The following NTMT1 variants were observed in gnomAD, a reference collection of about 807,000 sequenced individuals.
The protein encoded by NTMT1 is N-terminal RCC1 methyltransferase.
Under a neutral mutation model 17.5 loss-of-function variants are expected in NTMT1, and 8 were observed. The observed-to-expected ratio is 0.46, with a 90% confidence interval of 0.27 to 0.82. NTMT1 has a LOEUF of 0.82. Among genes scored for constraint, NTMT1 ranks in the 40% least tolerant of loss-of-function variants. The pLI, the probability that NTMT1 is intolerant of heterozygous loss-of-function variation, is 0.15. For missense variants in NTMT1, 221 were observed against 303.5 expected, an observed-to-expected ratio of 0.73 and a Z score of 2.02; for synonymous variants, 128 against 126.8, an observed-to-expected ratio of 1.01 and a Z score of -0.06.
upstream of NTMT1, among the ~76,000 whole-genome samples, chr9:129,625,949 T>A (rs1295545015): frequency 6.7e-6 from 1 of 149,840 alleles, no homozygotes; most frequent in African/African-American, 2.5e-5. Flanking sequence ...GAGGCAGAGG[T>A]TGCGGTGAGC....
rs78835654 is a variant in NTMT1, at chr9:129,616,873, C to A, written c.-55+7695C>A. ...AGATCAAAAGGTCAAGAGATCCAGA[C>A]CATCCTGGCCAACATGGTGAAACCC... On this transcript the variant is annotated intron_variant, in intron 1 of 3. Transcript: ENST00000372486. Among the ~76,000 whole-genome samples the A allele has an allele frequency of 2.0e-3, 303 of 152,262 alleles. 1 individual carries two copies. Among genetic ancestry groups the A allele is most frequent in the African/African-American group, 6.8e-3 (284 of 41,546 alleles).
chr9:129,612,186 G>A (rs1288918873), intron 1 of NTMT1: 2 of 617,622 alleles, frequency 3.2e-6, no homozygotes, highest in African/African-American at 3.7e-5. Context: ...CTTCCTTCCA[G>A]GAACCCCCAG....
Position 129,620,154 on chromosome 9 carries a change from C to A in NTMT1, c.-55+10976C>A, listed in dbSNP as rs1319234293. On this transcript the variant is annotated intron_variant, in intron 1 of 3. Transcript: ENST00000372486. This position sits in a 1 kb window ranked among gnomAD's most constrained non-coding sequence, Gnocchi z 5.8. Reference sequence around the variant, plus strand: ...CTGGGGAGGAGCTCTCCTAGGAAGGCGCCCAAGAAGTCGGGGTCCTCCCTG... The same window carrying A: ...CTGGGGAGGAGCTCTCCTAGGAAGGAGCCCAAGAAGTCGGGGTCCTCCCTG... The A allele has an allele frequency of 2.1e-6, 3 of 1,461,260 alleles. No individual in the cohort carries two copies. The allele number at this position is 1,461,260 out of a possible 1,614,324, so 90.5% of individuals were successfully genotyped here.
intron 3 of NTMT1, chr9:129,634,653 G>C (rs1047931479): frequency 2.0e-5 from 5 of 251,394 alleles, no homozygotes; most frequent in Non-Finnish European, 3.8e-5. Context: ...TTTAAGCTTC[G>C]TGTCTAGCCC....
intron 1 of NTMT1, chr9:129,619,816 G>A: frequency 6.2e-7 from 1 of 1,614,142 alleles, no homozygotes; most frequent in Non-Finnish European, 8.5e-7. Flanking sequence ...CTTTGATGTT[G>A]CGGTGCTGGG....
rs867030458 is a variant in NTMT1 at position 129,615,875 on chromosome 9, C to T, written c.-55+6697C>T. On this transcript the variant is annotated intron_variant, in intron 1 of 3. Transcript: ENST00000372486. ...CCAAATGCACACAGTCCCCATGAAA[C>T]GCTGTTATCATTCTCATTTTATAGT... Among the ~76,000 whole-genome samples the T allele has an allele frequency of 2.0e-4, 31 of 152,354 alleles. No individual in the cohort carries two copies. In the South Asian group the frequency reaches 2.1e-3, roughly 10 times the overall value.
At chr9:129,632,906 C>T (rs1831247241) in intron 2 of NTMT1, 41 bp downstream of exon 2, 2 of 1,599,618 alleles carry the variant, frequency 1.3e-6, no homozygotes, top group Non-Finnish European at 1.7e-6. Flanking sequence ...GGCTGTGGCT[C>T]TGGTGGCACT....
At chr9:129,615,509 G>A in intron 1 of NTMT1, 1 of 1,606,298 alleles carries the variant, frequency 6.2e-7, no homozygotes, top group Non-Finnish European at 8.5e-7. Context: ...CCCAGTAGCG[G>A]AGCGTTGTGT....
Position 129,620,465 on chromosome 9 carries a change from G to A in NTMT1, c.-55+11287G>A, listed in dbSNP as rs898096301. On this transcript the variant is annotated intron_variant, in intron 1 of 3. Transcript: ENST00000372486. The surrounding 1 kb of genome is among the most constrained non-coding windows in gnomAD (Gnocchi z 5.8). ...GCCCAGAGCCGCTCGGAGCGCGGGC[G>A]GGGTCAGCTTGGGCAGCCGCGGGTC... is the stretch of plus-strand genomic sequence containing the variant. 8.9e-6 allele frequency: 12 copies of A among 1,343,348 alleles called. No individual in the cohort carries two copies. The highest frequency in any genetic ancestry group is 3.3e-5 in the Admixed American group (1 of 30,350). The allele number at this position is 1,343,348 out of a possible 1,614,324, so 83.2% of individuals were successfully genotyped here. A position where few individuals can be genotyped will look rare whatever the true frequency, so the allele number is the denominator to read the frequency against.
At chr9:129,627,913 C>T (rs1020194972) in intron 1 of NTMT1, among the ~76,000 whole-genome samples, 4 of 152,204 alleles carry the variant, frequency 2.6e-5, no homozygotes, top group Non-Finnish European at 5.9e-5. Context: ...GCACTGTTTT[C>T]TTCCATGGGT....
chr9:129,611,485 G>C (rs927325995), intron 1 of NTMT1, among the ~76,000 whole-genome samples: 3 of 152,240 alleles, frequency 2.0e-5, no homozygotes, highest in African/African-American at 7.2e-5. Context: ...GTCCCACACA[G>C]GTGCTTTGCC....
chr9:129,632,071 G>A (rs775693242), intron 1 of NTMT1, among the ~76,000 whole-genome samples: 15 of 152,154 alleles, frequency 9.9e-5, no homozygotes, highest in South Asian at 2.1e-4. Context: ...TGGTGCTCTC[G>A]GCTTTGCGGT....
chr9:129,635,061 T>C, intron 3 of NTMT1, 147 bp from the exon 4 acceptor site: 2 of 900,896 alleles, frequency 2.2e-6, no homozygotes, highest in Non-Finnish European at 1.7e-6. Context: ...TTAGTAAATC[T>C]CTCGGGACTG....
intron 1 of NTMT1, chr9:129,612,379 C>A: frequency 6.2e-7 from 1 of 1,613,638 alleles, no homozygotes; most frequent in Non-Finnish European, 8.5e-7. Flanking sequence ...GTTGCGGAGG[C>A]CAGGAGGAGA....
At chr9:129,612,314 C>T (rs200987335) in intron 1 of NTMT1, 4 of 1,570,044 alleles carry the variant, frequency 2.5e-6, no homozygotes, top group Non-Finnish European at 3.5e-6. Flanking sequence ...TTGCCTGGCC[C>T]ATGTGTGCCC....
chr9:129,629,349 C>G (rs1274740183), intron 1 of NTMT1, among the ~76,000 whole-genome samples: 1 of 151,492 alleles, frequency 6.6e-6, no homozygotes, highest in Non-Finnish European at 1.5e-5. Flanking sequence ...GCACATCTAG[C>G]AGTCTTGAGG....
At chr9:129,632,966 T>C (rs2287296) in intron 2 of NTMT1, 101 bp downstream of exon 2, 1,312,661 of 1,353,838 alleles carry the variant, frequency 0.97, 636,595 homozygotes, top group Middle Eastern at 0.98. Flanking sequence ...ACTGCAGGAT[T>C]GTTGGCTATC....
At position 129,632,756 on chromosome 9, in the gene NTMT1, C is replaced by G. The variant is rs1831235441; in HGVS notation, c.53C>G (p.Thr18Ser). The part of the protein sequence containing the change: ...DEKQFYSKAK[T>S]YWKQIPPTVD... ...AAGCAATTCTATTCCAAGGCCAAGA[C>G]CTACTGGAAACAAATCCCACCCACG... The change falls in exon 2 of 4, where the codon ACC becomes AGC. Residue 18 changes from threonine (T) to serine (S), a missense_variant. Transcript: ENST00000372483. The G allele has an allele frequency of 1.2e-6, 2 of 1,614,218 alleles. No individual in the cohort carries two copies.
upstream of NTMT1, among the ~76,000 whole-genome samples, chr9:129,622,298 G>A (rs1830756568): frequency 6.6e-6 from 1 of 152,174 alleles, no homozygotes; most frequent in African/African-American, 2.4e-5. Context: ...TTCAATACCA[G>A]CCTGGCCAAC....
Sources: gnomAD v4.1 joint callset for allele counts (sites outside exome capture counted in the v4.1 genomes callset) on GRCh38, gnomAD v4.1.1 for gene constraint, Gnocchi (gnomAD v3.1) non-coding constraint, MANE v1.5 for transcripts, NCBI Gene and HGNC (gene_info 2026-07-23, HGNC 2026-07-21) for gene names.